The following MORN5 variants were observed in gnomAD, a reference collection of about 807,000 sequenced individuals.
MORN5 encodes MORN repeat-containing protein 5.
A neutral mutation model predicts 22.1 loss-of-function variants in MORN5; 21 were observed. The observed-to-expected ratio is 0.95, with a 90% confidence interval of 0.67 to 1.37. The LOEUF (loss-of-function observed/expected upper bound fraction) is 1.37, where lower values mean the gene tolerates loss of function less well. Among genes scored for constraint, MORN5 ranks in the 40% most tolerant of loss-of-function variants. The pLI is 0.00. For synonymous variants in MORN5, 73 were observed against 74.0 expected (o/e 0.99, Z 0.07); for missense variants, 211 against 215.1 (o/e 0.98, Z 0.12).
In MORN5 at chr9:122,191,265, C is replaced by T. The variant is rs183487941; in HGVS notation, c.440-8620C>T. Among the ~76,000 whole-genome samples the T allele has an allele frequency of 7.9e-5, 12 of 152,346 alleles. 1 individual carries two copies. The East Asian group carries it at 1.9e-3, about 24-fold the overall frequency. ...TCAGCTGCAGCCACTCCCACACTCA[C>T]GCACACATCTCTTCACGCTTATGCT... On this transcript the variant is annotated intron_variant, in intron 4 of 4. Transcript: ENST00000373764.
At chr9:122,175,617 T>C (rs200524337) in intron 4 of MORN5, 4 of 969,558 alleles carry the variant, frequency 4.1e-6, no homozygotes, top group African/African-American at 3.5e-5. Context: ...CGCACATGCA[T>C]ACACACACAC....
chr9:122,189,285 T>C (rs1001501166), intron 4 of MORN5, among the ~76,000 whole-genome samples: 2 of 151,376 alleles, frequency 1.3e-5, no homozygotes, highest in African/African-American at 2.4e-5. Flanking sequence ...CAAGACAAAC[T>C]CTCTAACAAT....
chr9:122,162,125 G>T (rs1007033870), intron 1 of MORN5, among the ~76,000 whole-genome samples: 1 of 152,208 alleles, frequency 6.6e-6, no homozygotes, highest in African/African-American at 2.4e-5. Context: ...CCATTTGCTT[G>T]TTGTACACTT....
chr9:122,190,722 G>A (rs1336207979), intron 4 of MORN5, among the ~76,000 whole-genome samples: 2 of 152,270 alleles, frequency 1.3e-5, no homozygotes, highest in African/African-American at 4.8e-5. Context: ...CTTTGCCTAG[G>A]CAATGACTCC....
chr9:122,200,048 T>C lies in MORN5; in HGVS notation c.*117T>C. 1.1e-6 allele frequency: 1 copy of C among 948,818 alleles called. No homozygotes were observed. The highest frequency in any genetic ancestry group is 2.4e-5 in the East Asian group (1 of 40,824). The allele number at this position is 948,818 out of a possible 1,614,324, so 58.8% of individuals were successfully genotyped here. A position where few individuals can be genotyped will look rare whatever the true frequency, so the allele number is the denominator to read the frequency against. ...GGGGACGGGCTGTAGTTCTAGAACC[T>C]GATTTTAACTCAGGAATAAAGACTT... On this transcript the variant is annotated 3_prime_UTR_variant, in exon 5 of 5. Transcript: ENST00000373764.
chr9:122,174,531 A>C lies in MORN5; in HGVS notation c.343A>C (p.Lys115Gln). The change falls in exon 4 of 5, where the codon AAA becomes CAA. Residue 115 changes from lysine to glutamine, a missense_variant. Lys to Gln is a moderately conservative substitution (Grantham distance 53). Coordinates refer to ENST00000373764, the MANE Select transcript of MORN5 (RefSeq NM_198469.4). ...ACTCACCAATATGGACCCACCTAGA[A>C]AAATCCCCAAGGGCTATTACGATTG... ...AQLTNMDPPR[K>Q]IPKGYYDCGD... is the part of the protein sequence containing the mutation. 1 of 1,614,170 alleles carries C rather than the reference A, an allele frequency of 6.2e-7. No homozygotes were observed. The highest frequency in any genetic ancestry group is 8.5e-7 in the Non-Finnish European group (1 of 1,180,028).
At chr9:122,185,510 G>A (rs531579368) in intron 4 of MORN5, among the ~76,000 whole-genome samples, 2 of 142,982 alleles carry the variant, frequency 1.4e-5, no homozygotes, top group South Asian at 2.3e-4. Flanking sequence ...ACAGGCGTGA[G>A]CCACTGCAAC....
chr9:122,180,437 C>A (rs1829520720), intron 4 of MORN5, among the ~76,000 whole-genome samples: 1 of 151,950 alleles, frequency 6.6e-6, no homozygotes, highest in African/African-American at 2.4e-5. Flanking sequence ...AGGCACACAC[C>A]ACCACACCGA....
intron 1 of MORN5, among the ~76,000 whole-genome samples, chr9:122,163,630 T>C (rs79206720): frequency 0.074 from 11,209 of 152,140 alleles, 508 homozygotes; most frequent in East Asian, 0.18. Flanking sequence ...GAGCTGGCAG[T>C]TCAGTTTGGC....
At chr9:122,168,872 C>T (rs1455263968) in intron 2 of MORN5, among the ~76,000 whole-genome samples, 1 of 152,052 alleles carries the variant, frequency 6.6e-6, no homozygotes, top group Admixed American at 6.5e-5. Flanking sequence ...ATTATGGAGG[C>T]TAAGAAGCCT....
chr9:122,195,968 ATATT>A (rs55879917), intron 4 of MORN5, among the ~76,000 whole-genome samples: 429 of 147,586 alleles, frequency 2.9e-3, no homozygotes, highest in African/African-American at 9.7e-3. Flanking sequence ...ATTTTGTTTT[ATATT>A]TATTTATTTA....
intron 4 of MORN5, among the ~76,000 whole-genome samples, chr9:122,185,696 A>G (rs1231226581): frequency 2.6e-5 from 4 of 151,980 alleles, no homozygotes; most frequent in Admixed American, 2.0e-4. Context: ...ACAAACCAAG[A>G]CTCCCCTAAT....
chr9:122,190,667 GC>G (rs1213778086), intron 4 of MORN5, among the ~76,000 whole-genome samples: 2 of 152,248 alleles, frequency 1.3e-5, no homozygotes, highest in African/African-American at 4.8e-5. Flanking sequence ...ATGGGGAAAA[GC>G]CGGAGCAGGC....
At chr9:122,190,073 A>G (rs879583686) in intron 4 of MORN5, among the ~76,000 whole-genome samples, 4 of 151,916 alleles carry the variant, frequency 2.6e-5, no homozygotes, top group Middle Eastern at 3.2e-3. Flanking sequence ...AGACAACACC[A>G]GCTGTCCATA....
Position 122,169,677 on chromosome 9 carries a change from T to C in MORN5, c.228T>C (p.Tyr76=). 1.2e-6 allele frequency: 2 copies of C among 1,614,092 alleles called. No individual in the cohort carries two copies. The highest frequency in any genetic ancestry group is 1.7e-5 in the Admixed American group (1 of 60,018). Residue 76 remains tyrosine, a synonymous_variant, in exon 3 of 5, where the codon TAT becomes TAC. Coordinates refer to ENST00000373764, the MANE Select transcript of MORN5 (RefSeq NM_198469.4). ...ATACGTTCTCAGATGGGCTGCACTA[T>C]GATGAGAAAAACTGGCATTACTGCG... ...GTYTFSDGLH[Y]DEKNWHYCDG...
At chr9:122,178,729 A>C (rs1203483182) in intron 4 of MORN5, among the ~76,000 whole-genome samples, 1 of 152,138 alleles carries the variant, frequency 6.6e-6, no homozygotes, top group African/African-American at 2.4e-5. Context: ...CAGTAGGGTG[A>C]TCAAAACCTT....
chr9:122,167,048 T>A (rs918184343), intron 2 of MORN5, 133 bp downstream of exon 2: 3 of 621,118 alleles, frequency 4.8e-6, no homozygotes, highest in Non-Finnish European at 7.2e-6. Flanking sequence ...TCTCCCCCAC[T>A]CCCCCCACTT....
Position 122,199,647 on chromosome 9 carries a change from A to T in MORN5, c.440-238A>T, listed in dbSNP as rs575656577. On this transcript the variant is annotated intron_variant, in intron 4 of 4. Transcript: ENST00000373764. Reference sequence around the variant, plus strand: ...CCAGCTTAGGGTGGCCAGACTCCTCATGCTTGCCTCCGCCAGCAGCACCCA... The same window carrying T: ...CCAGCTTAGGGTGGCCAGACTCCTCTTGCTTGCCTCCGCCAGCAGCACCCA... Among the ~76,000 whole-genome samples the T allele has an allele frequency of 8.5e-5, 13 of 152,208 alleles. No homozygotes were observed. The South Asian group carries it at 2.5e-3, about 29-fold the overall frequency.
intron 1 of MORN5, among the ~76,000 whole-genome samples, chr9:122,163,726 G>C (rs1054621500): frequency 2.6e-5 from 4 of 152,152 alleles, no homozygotes; most frequent in Non-Finnish European, 5.9e-5. Context: ...TCAATACCGT[G>C]CACAATTCTG....
Sources: gnomAD v4.1 joint callset for allele counts (sites outside exome capture counted in the v4.1 genomes callset) on GRCh38, gnomAD v4.1.1 for gene constraint, MANE v1.5 for transcripts, NCBI Gene and HGNC (gene_info 2026-07-23, HGNC 2026-07-21) for gene names.